The following ARSB variants were observed in gnomAD, a reference collection of about 807,000 sequenced individuals.
ARSB encodes N-acetylgalactosamine-4-sulfatase.
In ARSB, 41 loss-of-function variants were observed where a neutral mutation model predicts 50.9. That is an observed-to-expected ratio of 0.81 (90% CI 0.63 to 1.04). The LOEUF is 1.04. Among genes scored for constraint, ARSB ranks in the 50% least tolerant of loss-of-function variants. The probability of loss-of-function intolerance (pLI) is 0.00; values close to 1 mark genes in which losing one functional copy is unlikely to be tolerated. For synonymous variants in ARSB, 269 were observed against 284.8 expected, an observed-to-expected ratio of 0.94 and a Z score of 0.56; for missense variants, 672 against 693.3, an observed-to-expected ratio of 0.97 and a Z score of 0.35.
intron 5 of ARSB, among the ~76,000 whole-genome samples, chr5:78,855,689 C>A (rs1307458191): frequency 2.0e-5 from 3 of 152,172 alleles, no homozygotes; most frequent in Non-Finnish European, 4.4e-5. Context: ...GGACTTCAGG[C>A]AGCTCCCTCA....
chr5:78,866,000 G>A (rs962043200), intron 5 of ARSB, among the ~76,000 whole-genome samples: 7 of 152,090 alleles, frequency 4.6e-5, no homozygotes, highest in Admixed American at 1.3e-4. Flanking sequence ...ACATTTTCCT[G>A]TCTTCTTCTG....
intron 4 of ARSB, among the ~76,000 whole-genome samples, chr5:78,920,026 T>G (rs1411782750): frequency 6.8e-6 from 1 of 147,164 alleles, no homozygotes; most frequent in Non-Finnish European, 1.5e-5. Flanking sequence ...CTAGGGAGCA[T>G]GAATGCATTT....
chr5:78,794,644 T>G (rs2112636259), intron 6 of ARSB, among the ~76,000 whole-genome samples: 1 of 152,300 alleles, frequency 6.6e-6, no homozygotes, highest in East Asian at 1.9e-4. Flanking sequence ...GAATGTTTTA[T>G]CAGGCAGGAT....
intron 6 of ARSB, among the ~76,000 whole-genome samples, chr5:78,784,148 G>A (rs1171514966): frequency 1.3e-5 from 2 of 152,182 alleles, no homozygotes; most frequent in Non-Finnish European, 2.9e-5. Flanking sequence ...TTAAAATGCA[G>A]AATACATATG....
At chr5:78,810,401 G>C (rs757516979) in intron 6 of ARSB, among the ~76,000 whole-genome samples, 5 of 152,228 alleles carry the variant, frequency 3.3e-5, no homozygotes, top group Non-Finnish European at 5.9e-5. Context: ...AGAAAATGCA[G>C]TTGGTGCCTG....
At chr5:78,835,585 A>G (rs1027505664) in intron 6 of ARSB, among the ~76,000 whole-genome samples, 5 of 152,126 alleles carry the variant, frequency 3.3e-5, no homozygotes, top group Non-Finnish European at 5.9e-5. Context: ...AATAATTCAA[A>G]TTCCTCTAGT....
chr5:78,838,059 C>T (rs2112714745), intron 6 of ARSB, among the ~76,000 whole-genome samples: 1 of 152,278 alleles, frequency 6.6e-6, no homozygotes, highest in Non-Finnish European at 1.5e-5. Context: ...GAGTGCCTAG[C>T]AAGCTCCCAG....
chr5:78,947,661 G>A (rs141330782), intron 4 of ARSB, among the ~76,000 whole-genome samples: 9 of 152,228 alleles, frequency 5.9e-5, no homozygotes, highest in Middle Eastern at 3.4e-3. Flanking sequence ...TGGAGAAAAG[G>A]GTACTTTTGT....
At chr5:78,791,629 C>A (rs1014222643) in intron 6 of ARSB, among the ~76,000 whole-genome samples, 3 of 152,258 alleles carry the variant, frequency 2.0e-5, no homozygotes, top group South Asian at 2.1e-4. Flanking sequence ...AATGTCCCAA[C>A]AACTGCAGGC....
intron 5 of ARSB, among the ~76,000 whole-genome samples, chr5:78,865,611 T>C (rs1746682162): frequency 6.6e-6 from 1 of 152,224 alleles, no homozygotes; most frequent in African/African-American, 2.4e-5. Flanking sequence ...GAATTTCTAC[T>C]CAGAAAATGG....
intron 6 of ARSB, among the ~76,000 whole-genome samples, chr5:78,822,416 A>G (rs1415793143): frequency 6.6e-6 from 1 of 152,088 alleles, no homozygotes; most frequent in East Asian, 1.9e-4. Context: ...AGAGATTTTG[A>G]CACTCTTGGT....
At chr5:78,855,741 C>G (rs1180676770) in intron 5 of ARSB, among the ~76,000 whole-genome samples, 1 of 152,148 alleles carries the variant, frequency 6.6e-6, no homozygotes, top group Non-Finnish European at 1.5e-5. Context: ...GACCCCAGTG[C>G]TCAGGTCTGT....
At chr5:78,912,929 T>A (rs1040111076) in intron 4 of ARSB, among the ~76,000 whole-genome samples, 4 of 152,198 alleles carry the variant, frequency 2.6e-5, no homozygotes, top group Admixed American at 1.3e-4. Context: ...ATATATCATT[T>A]TGATCACTTA....
At chr5:78,797,982 A>C (rs995488545) in intron 6 of ARSB, among the ~76,000 whole-genome samples, 1 of 152,218 alleles carries the variant, frequency 6.6e-6, no homozygotes, top group African/African-American at 2.4e-5. Flanking sequence ...GCCAGGGGAA[A>C]TACTCCATGG....
Position 78,885,760 on chromosome 5 carries a change from C to G in ARSB, c.966G>C (p.Trp322Cys). The change falls in exon 5 of 8, where the codon TGG (tryptophan) becomes TGC (cysteine). Residue 322 changes from tryptophan to cysteine, a missense_variant. Trp to Cys is a radical substitution (Grantham distance 215, BLOSUM62 -2). Transcript: ENST00000264914. ...AGCCCACCCCTCGGACGCCTCCTTC[C>G]CACAGGCTCCATTTTCTTCCTCGAA... Reference protein sequence around the residue: ...WPLRGRKWSLWEGGVRGVGFV... With the variant: ...WPLRGRKWSLCEGGVRGVGFV... 6.2e-7 allele frequency: 1 copy of G among 1,614,138 alleles called. No homozygotes were observed. The highest frequency in any genetic ancestry group is 1.1e-5 in the South Asian group (1 of 91,072).
chr5:78,780,521 T>G lies in ARSB; in HGVS notation c.1478A>C (p.His493Pro), dbSNP rs1314446229. Reference sequence around the variant, plus strand: ...GCGGGACAGGAGCTTTGTGACGATGTGAGGATATTCTCTGGACAGGTCATG... The same window carrying G: ...GCGGGACAGGAGCTTTGTGACGATGGGAGGATATTCTCTGGACAGGTCATG... ...ERHDLSREYP[H>P]IVTKLLSRLQ... is the part of the protein sequence containing the mutation. Residue 493 changes from histidine to proline, a missense_variant, in exon 8 of 8, where the codon CAC (histidine) becomes CCC (proline). Coordinates refer to ENST00000264914, the MANE Select transcript of ARSB (RefSeq NM_000046.5). The G allele has an allele frequency of 4.3e-6, 7 of 1,614,150 alleles. No homozygotes were observed. The South Asian group carries it at 7.7e-5, about 18-fold the overall frequency.
intron 6 of ARSB, among the ~76,000 whole-genome samples, chr5:78,833,697 A>G (rs1033344543): frequency 9.2e-5 from 14 of 152,154 alleles, no homozygotes; most frequent in African/African-American, 3.4e-4. Flanking sequence ...AGAGCCCCAG[A>G]CTCAGAGGGA....
chr5:78,931,549 A>G (rs1355636719), intron 4 of ARSB, among the ~76,000 whole-genome samples: 1 of 152,010 alleles, frequency 6.6e-6, no homozygotes, highest in Non-Finnish European at 1.5e-5. Context: ...CTGGAAGGGG[A>G]GGAGAACTTG....
chr5:78,835,185 GA>G (rs1450919360), intron 6 of ARSB, among the ~76,000 whole-genome samples: 1 of 152,048 alleles, frequency 6.6e-6, no homozygotes, highest in Non-Finnish European at 1.5e-5. Context: ...GCCGATCTTT[GA>G]GTATTTTTAC....
Sources: gnomAD v4.1 joint callset for allele counts (sites outside exome capture counted in the v4.1 genomes callset) on GRCh38, gnomAD v4.1.1 for gene constraint, MANE v1.5 for transcripts, NCBI Gene and HGNC (gene_info 2026-07-23, HGNC 2026-07-21) for gene names.